The following ROPN1 variants were observed in gnomAD, a reference collection of about 807,000 sequenced individuals.
ROPN1 encodes the protein rhophilin associated tail protein 1.
In ROPN1, 14 loss-of-function variants were observed where a neutral mutation model predicts 20.5. That is an observed-to-expected ratio of 0.68 (90% CI 0.45 to 1.07). The LOEUF (loss-of-function observed/expected upper bound fraction) is 1.07. Among genes scored for constraint, ROPN1 ranks in the 50% least tolerant of loss-of-function variants. The pLI, the probability that ROPN1 is intolerant of heterozygous loss-of-function variation, is 0.00. For missense variants in ROPN1, 169 were observed against 242.8 expected, an observed-to-expected ratio of 0.70 and a Z score of 2.02; for synonymous variants, 76 against 95.7, an observed-to-expected ratio of 0.79 and a Z score of 1.20.
chr3:123,986,743 G>T (rs1240110718), intron 1 of ROPN1, among the ~76,000 whole-genome samples: 1 of 152,194 alleles, frequency 6.6e-6, no homozygotes, highest in Non-Finnish European at 1.5e-5. Flanking sequence ...AAGTGATGTG[G>T]GTAGTTGTTG....
chr3:123,984,640 C>A (rs1358899678), intron 1 of ROPN1, among the ~76,000 whole-genome samples: 1 of 152,086 alleles, frequency 6.6e-6, no homozygotes, highest in Non-Finnish European at 1.5e-5. Context: ...ACAATCATAT[C>A]CTGACTTTCA....
chr3:123,982,112 G>T (rs1205067018), intron 1 of ROPN1, among the ~76,000 whole-genome samples: 5 of 152,054 alleles, frequency 3.3e-5, no homozygotes, highest in Non-Finnish European at 7.4e-5. Flanking sequence ...GGTGAAAAGA[G>T]TATAAATAAG....
At chr3:123,971,269 G>C (rs533573458) in intron 4 of ROPN1, among the ~76,000 whole-genome samples, 1 of 152,174 alleles carries the variant, frequency 6.6e-6, no homozygotes, top group East Asian at 1.9e-4. Context: ...ACCCAGGAGC[G>C]TAAGTCTATG....
chr3:123,989,092 G>A (rs1369930686), intron 1 of ROPN1, among the ~76,000 whole-genome samples: 5 of 152,190 alleles, frequency 3.3e-5, no homozygotes, highest in African/African-American at 1.2e-4. Context: ...TACAGGGCAG[G>A]TATTCAGTAA....
chr3:123,984,216 C>T (rs1310526484), intron 1 of ROPN1, among the ~76,000 whole-genome samples: 1 of 152,140 alleles, frequency 6.6e-6, no homozygotes, highest in East Asian at 1.9e-4. Context: ...GTGGATTGCA[C>T]TTGTTTTCCC....
intron 2 of ROPN1, chr3:123,980,121 G>A: frequency 1.8e-6 from 1 of 560,950 alleles, no homozygotes; most frequent in East Asian, 2.8e-5. Flanking sequence ...CCCAGGACAC[G>A]GCCTATTGAC....
chr3:123,989,334 G>C (rs1342259980), intron 1 of ROPN1, among the ~76,000 whole-genome samples: 5 of 152,182 alleles, frequency 3.3e-5, no homozygotes, highest in African/African-American at 1.2e-4. Flanking sequence ...AAGCACAAGA[G>C]TCACACAATC....
At chr3:123,969,370 G>T in intron 5 of ROPN1, 149 bp from the exon 6 acceptor site, 1 of 712,602 alleles carries the variant, frequency 1.4e-6, no homozygotes, top group Non-Finnish European at 2.3e-6. Context: ...ACAGGGTCTG[G>T]CTCTGTCATC....
chr3:123,979,800 A>C, intron 2 of ROPN1: 1 of 348,988 alleles, frequency 2.9e-6, no homozygotes, highest in Non-Finnish European at 5.6e-6. Context: ...GAAAATAACA[A>C]TAATTTCCTC....
intron 4 of ROPN1, among the ~76,000 whole-genome samples, chr3:123,972,447 CG>C (rs2037935109): frequency 6.6e-6 from 1 of 152,178 alleles, no homozygotes; most frequent in African/African-American, 2.4e-5. Flanking sequence ...AAATGTAAAT[CG>C]TTTGCTAACA....
intron 3 of ROPN1, among the ~76,000 whole-genome samples, chr3:123,975,916 C>G (rs2038010409): frequency 6.6e-6 from 1 of 152,120 alleles, no homozygotes; most frequent in Non-Finnish European, 1.5e-5. Flanking sequence ...CCTGAGACCA[C>G]TAATGAATGG....
chr3:123,977,747 C>T (rs149193053), intron 2 of ROPN1, among the ~76,000 whole-genome samples: 25 of 152,326 alleles, frequency 1.6e-4, no homozygotes, highest in African/African-American at 5.5e-4. Flanking sequence ...TGAAATGAAA[C>T]TGTTTCTCCA....
At chr3:123,970,745 G>A (rs1442918615) in intron 4 of ROPN1, among the ~76,000 whole-genome samples, 2 of 152,098 alleles carry the variant, frequency 1.3e-5, no homozygotes, top group Non-Finnish European at 2.9e-5. Flanking sequence ...CAAGATAAAC[G>A]TTCCTCTAAA....
chr3:123,981,707 C>T (rs1187745649), intron 1 of ROPN1, among the ~76,000 whole-genome samples: 1 of 152,162 alleles, frequency 6.6e-6, no homozygotes, highest in African/African-American at 2.4e-5. Flanking sequence ...TGGGAAATCC[C>T]AAGACAAGAA....
chr3:123,982,269 TAAC>T (rs1577371665), intron 1 of ROPN1, among the ~76,000 whole-genome samples: 1 of 152,192 alleles, frequency 6.6e-6, no homozygotes, highest in East Asian at 1.9e-4. Context: ...GTTAAGACAA[TAAC>T]AACAATTCTC....
intron 4 of ROPN1, chr3:123,974,898 T>C (rs529980859): frequency 5.3e-6 from 1 of 188,020 alleles, no homozygotes; most frequent in South Asian, 1.0e-4. Context: ...ATGACTAAAT[T>C]CAGAAATAGC....
chr3:123,969,182 G>A lies in ROPN1; in HGVS notation c.612C>T (p.Thr204=). 6.2e-7 allele frequency: 1 copy of A among 1,613,976 alleles called. No homozygotes were observed. The highest frequency in any genetic ancestry group is 8.5e-7 in the Non-Finnish European group (1 of 1,179,934). The change falls in exon 6 of 6, where the codon ACC becomes ACT. Residue 204 remains threonine (T), a synonymous_variant. Coordinates refer to ENST00000405845, the MANE Select transcript of ROPN1 (RefSeq NM_001317774.2). ...ACTCCAGCTGAACCCTGGGGTTTTG[G>A]GTAAAGTCATTCACTGTGATTATAC... The part of the protein sequence containing the change: ...PDGIITVNDF[T]QNPRVQLE
intron 3 of ROPN1, 87 bp downstream of exon 3, chr3:123,976,777 T>A: frequency 7.6e-7 from 1 of 1,314,938 alleles, no homozygotes; most frequent in South Asian, 1.5e-5. Context: ...CAGCTGACTG[T>A]CAGGAGAACA....
At chr3:123,978,439 A>G (rs1307515301) in intron 2 of ROPN1, among the ~76,000 whole-genome samples, 4 of 152,208 alleles carry the variant, frequency 2.6e-5, no homozygotes, top group Non-Finnish European at 5.9e-5. Context: ...CTTCTTGTGG[A>G]ATTGGTTAGA....
Sources: allele counts gnomAD v4.1 joint callset (sites outside exome capture counted in the v4.1 genomes callset), GRCh38; gene constraint gnomAD v4.1.1; transcripts MANE v1.5; gene names NCBI Gene and HGNC (gene_info 2026-07-23, HGNC 2026-07-21).